WWOX: variants seen among roughly 807,000 people sequenced by gnomAD.
WWOX encodes WW domain-containing oxidoreductase.
Under a neutral mutation model 46.2 loss-of-function variants are expected in WWOX, and 69 were observed. The ratio of observed to expected loss-of-function variants is 1.49; its 90% CI spans 1.23 to 1.82. The LOEUF (loss-of-function observed/expected upper bound fraction) is 1.82, where lower values mean the gene tolerates loss of function less well. Ranked by LOEUF, WWOX falls within the 40% of genes most tolerant of loss-of-function variation. The pLI is 0.00. For synonymous variants in WWOX, 359 were observed against 202.6 expected (o/e 1.77, Z -6.56); for missense variants, 919 against 542.6 (o/e 1.69, Z -6.89).
chr16:78,293,898 C>T (rs779701457), intron 5 of WWOX, among the ~76,000 whole-genome samples: 10 of 146,734 alleles, frequency 6.8e-5, no homozygotes, highest in Non-Finnish European at 1.2e-4. Context: ...ATTGCTTGAA[C>T]CCTGGTAGGC....
At chr16:78,565,816 G>T (rs1597276563) in intron 8 of WWOX, among the ~76,000 whole-genome samples, 1 of 152,298 alleles carries the variant, frequency 6.6e-6, no homozygotes, top group African/African-American at 2.4e-5. Flanking sequence ...GGGCCACTCA[G>T]TGATGGGAGT....
intron 8 of WWOX, among the ~76,000 whole-genome samples, chr16:78,831,446 G>A (rs761843732): frequency 2.0e-5 from 3 of 152,282 alleles, no homozygotes; most frequent in African/African-American, 7.2e-5. Flanking sequence ...TGAATAAAAT[G>A]GGTGCTCTAG....
intron 8 of WWOX, among the ~76,000 whole-genome samples, chr16:78,634,728 C>G (rs1034849677): frequency 7.7e-5 from 11 of 143,322 alleles, no homozygotes; most frequent in African/African-American, 1.3e-4. Context: ...AAAAAAAGTT[C>G]TAAATCAGTG....
Position 78,146,595 on chromosome 16 carries a change from C to T in WWOX, c.410-17588C>T, listed in dbSNP as rs567693442. ...GATTTCAAAATTGGTGTATTTCACC[C>T]GTCCCTCATCATGGTATCCCCAAAC... is the stretch of plus-strand genomic sequence containing the variant. On this transcript the variant is annotated intron_variant, in intron 4 of 8. Transcript: ENST00000566780. Among the ~76,000 whole-genome samples, 16 of 152,192 alleles carry T rather than the reference C, an allele frequency of 1.1e-4. No homozygotes were observed. In the South Asian group the frequency reaches 1.2e-3, roughly 12 times the overall value.
chr16:78,854,539 T>G (rs755412488), intron 8 of WWOX, among the ~76,000 whole-genome samples: 1 of 152,202 alleles, frequency 6.6e-6, no homozygotes, highest in Non-Finnish European at 1.5e-5. Context: ...TAAAAATTCC[T>G]CTATTGAGAT....
chr16:79,132,002 C>G (rs950469336), intron 8 of WWOX, among the ~76,000 whole-genome samples: 4 of 152,138 alleles, frequency 2.6e-5, no homozygotes, highest in Non-Finnish European at 1.5e-5. Context: ...AGACCCACCC[C>G]CATGATTCAG....
chr16:79,013,720 G>C (rs112602005), intron 8 of WWOX, among the ~76,000 whole-genome samples: 54 of 152,174 alleles, frequency 3.5e-4, no homozygotes, highest in African/African-American at 1.3e-3. Context: ...AAATCAGATG[G>C]GAGCTCCCGG....
chr16:78,132,868 G>C (rs1167705299), intron 4 of WWOX, among the ~76,000 whole-genome samples: 1 of 152,072 alleles, frequency 6.6e-6, no homozygotes, highest in Non-Finnish European at 1.5e-5. Context: ...ATTCTTATTT[G>C]CTCCATTCCA....
chr16:78,653,554 G>T (rs184953957), intron 8 of WWOX, among the ~76,000 whole-genome samples: 1 of 152,364 alleles, frequency 6.6e-6, no homozygotes, highest in Admixed American at 6.5e-5. Context: ...TACACAGGAA[G>T]AGAGACCTTC....
At chr16:78,643,221 G>A (rs994419111) in intron 8 of WWOX, among the ~76,000 whole-genome samples, 1 of 152,142 alleles carries the variant, frequency 6.6e-6, no homozygotes, top group African/African-American at 2.4e-5. Context: ...AGTCAAAAAA[G>A]GACACGTATG....
chr16:78,369,198 C>T (rs966299514), intron 5 of WWOX, among the ~76,000 whole-genome samples: 4 of 152,092 alleles, frequency 2.6e-5, no homozygotes, highest in Non-Finnish European at 5.9e-5. Context: ...GTGTGCTAGA[C>T]ATTATTCTGA....
chr16:78,734,507 T>C (rs1376945802), intron 8 of WWOX, among the ~76,000 whole-genome samples: 1 of 152,188 alleles, frequency 6.6e-6, no homozygotes, highest in Non-Finnish European at 1.5e-5. Flanking sequence ...GGGAGACATT[T>C]CTTTACCTAC....
chr16:78,767,100 CCCTT>C (rs1018854838), intron 8 of WWOX, among the ~76,000 whole-genome samples: 6 of 129,988 alleles, frequency 4.6e-5, no homozygotes, highest in South Asian at 3.0e-4. Context: ...CTCCTTTCCT[CCCTT>C]CCTTCCTTCC....
At chr16:78,291,603 C>A (rs1187658219) in intron 5 of WWOX, among the ~76,000 whole-genome samples, 1 of 152,128 alleles carries the variant, frequency 6.6e-6, no homozygotes, top group East Asian at 1.9e-4. Flanking sequence ...ATGAAAATTG[C>A]CTTCTGGTTG....
chr16:78,523,959 G>T (rs2043403155), intron 8 of WWOX, among the ~76,000 whole-genome samples: 1 of 152,170 alleles, frequency 6.6e-6, no homozygotes, highest in Admixed American at 6.5e-5. Context: ...CTTTCCCTCA[G>T]TATTTTATTA....
At chr16:78,657,121 T>C (rs1206488323) in intron 8 of WWOX, among the ~76,000 whole-genome samples, 1 of 152,188 alleles carries the variant, frequency 6.6e-6, no homozygotes, top group Non-Finnish European at 1.5e-5. Flanking sequence ...GGCTGCCACT[T>C]TGGCCCCTGC....
intron 8 of WWOX, among the ~76,000 whole-genome samples, chr16:78,885,932 T>TG (rs1567626330): frequency 6.0e-5 from 9 of 150,802 alleles, no homozygotes; most frequent in African/African-American, 2.2e-4. Context: ...GAATTTTTTT[T>TG]TTTTTTTTTT....
chr16:79,077,241 A>T (rs1298993335), intron 8 of WWOX: 1 of 152,106 alleles, frequency 6.6e-6, no homozygotes, highest in Admixed American at 6.5e-5. Context: ...ATTTTTGCCC[A>T]CTATTAAAAT....
chr16:78,873,920 A>G (rs1270582040), intron 8 of WWOX, among the ~76,000 whole-genome samples: 1 of 152,088 alleles, frequency 6.6e-6, no homozygotes, highest in East Asian at 1.9e-4. Context: ...TGAAGACTTC[A>G]TTCTAGTGGC....
Sources: gnomAD v4.1 joint callset for allele counts (sites outside exome capture counted in the v4.1 genomes callset) on GRCh38, gnomAD v4.1.1 for gene constraint, MANE v1.5 for transcripts, NCBI Gene and HGNC (gene_info 2026-07-23, HGNC 2026-07-21) for gene names.